Variants in PDZD8 observed in about 807,000 individuals in gnomAD.
PDZD8 encodes PDZ domain containing 8, also known as PDZ domain-containing protein 8.
A neutral mutation model predicts 85.8 loss-of-function variants in PDZD8; 14 were observed. That is an observed-to-expected ratio of 0.16 (90% confidence interval 0.11 to 0.26). The LOEUF (loss-of-function observed/expected upper bound fraction) is 0.26. Among genes scored for constraint, PDZD8 ranks in the 10% least tolerant of loss-of-function variants. The pLI is 1.00. For synonymous variants in PDZD8, 592 were observed against 568.6 expected, an observed-to-expected ratio of 1.04 and a Z score of -0.59; for missense variants, 1,197 against 1,424.3, an observed-to-expected ratio of 0.84 and a Z score of 2.57.
In PDZD8 at chr10:117,364,502, C is replaced by T. The variant is rs886977279; in HGVS notation, c.872+9854G>A. Among the ~76,000 whole-genome samples, 4 of 151,600 alleles carry T rather than the reference C, an allele frequency of 2.6e-5. 1 individual carries two copies. Among genetic ancestry groups the T allele is most frequent in the South Asian group, 2.1e-4 (1 of 4,818 alleles). On this transcript the variant is annotated intron_variant, in intron 1 of 4. Transcript: ENST00000334464. The stretch of plus-strand genomic sequence containing the variant: ...ACGCACACACACACACGCATATTTC[C>T]GTAGGAAGTCTGAGCAAAAAAAAAT...
chr10:117,361,228 G>A (rs1844991946), intron 1 of PDZD8, among the ~76,000 whole-genome samples: 1 of 141,328 alleles, frequency 7.1e-6, no homozygotes, highest in Non-Finnish European at 1.5e-5. Flanking sequence ...GAGTCAGACT[G>A]TAACGACTGA....
chr10:117,313,105 C>G (rs910679363), intron 3 of PDZD8, among the ~76,000 whole-genome samples: 2 of 152,100 alleles, frequency 1.3e-5, no homozygotes, highest in African/African-American at 4.8e-5. Flanking sequence ...ACTTCTTAAC[C>G]TGGCACTTCT....
At chr10:117,326,156 G>C (rs1050486012) in intron 2 of PDZD8, among the ~76,000 whole-genome samples, 2 of 152,052 alleles carry the variant, frequency 1.3e-5, no homozygotes, top group African/African-American at 4.8e-5. Flanking sequence ...ACCCAGTCTT[G>C]GATATTTCTT....
At chr10:117,358,900 G>T (rs1170135583) in intron 1 of PDZD8, among the ~76,000 whole-genome samples, 2 of 152,050 alleles carry the variant, frequency 1.3e-5, no homozygotes, top group Non-Finnish European at 2.9e-5. Flanking sequence ...CTATATTAAG[G>T]ATGAATTCCT....
chr10:117,324,338 A>G (rs1844279842), intron 2 of PDZD8, among the ~76,000 whole-genome samples: 1 of 151,924 alleles, frequency 6.6e-6, no homozygotes, highest in African/African-American at 2.4e-5. Flanking sequence ...TTATTCCAAA[A>G]TTTGTAAGAG....
intron 3 of PDZD8, among the ~76,000 whole-genome samples, chr10:117,312,562 A>G (rs1844057006): frequency 6.6e-6 from 1 of 152,198 alleles, no homozygotes; most frequent in African/African-American, 2.4e-5. Context: ...AGTGTCTAGC[A>G]TGCTGGATTA....
At chr10:117,361,648 T>C (rs1206271958) in intron 1 of PDZD8, among the ~76,000 whole-genome samples, 1 of 152,074 alleles carries the variant, frequency 6.6e-6, no homozygotes, top group East Asian at 1.9e-4. Flanking sequence ...AAAATTCCTT[T>C]CCAAATATGA....
chr10:117,285,815 G>A, intron 4 of PDZD8: 10 of 874,154 alleles, frequency 1.1e-5, no homozygotes, highest in South Asian at 5.1e-5. Flanking sequence ...GAAGTGAACA[G>A]AGAGAGATCT....
chr10:117,301,046 T>C (rs1418544752), intron 3 of PDZD8, among the ~76,000 whole-genome samples: 1 of 152,146 alleles, frequency 6.6e-6, no homozygotes, highest in East Asian at 1.9e-4. Flanking sequence ...TAGAGTGCAG[T>C]GGCATGATCT....
chr10:117,369,890 T>C (rs1223087694), intron 1 of PDZD8, among the ~76,000 whole-genome samples: 3 of 152,186 alleles, frequency 2.0e-5, no homozygotes, highest in Non-Finnish European at 2.9e-5. Flanking sequence ...TAAAAGTACC[T>C]GCAAACTGAA....
chr10:117,364,826 A>C (rs1428153871), intron 1 of PDZD8, among the ~76,000 whole-genome samples: 2 of 151,960 alleles, frequency 1.3e-5, no homozygotes, highest in Admixed American at 1.3e-4. Flanking sequence ...AGGGACATCC[A>C]TGTTACACTT....
chr10:117,288,929 T>A (rs1188851105), intron 4 of PDZD8, among the ~76,000 whole-genome samples: 3 of 152,228 alleles, frequency 2.0e-5, no homozygotes, highest in African/African-American at 7.2e-5. Context: ...TTACTACTTG[T>A]GTAATTGAAA....
chr10:117,338,578 C>A (rs1844555698), intron 2 of PDZD8, among the ~76,000 whole-genome samples: 1 of 152,110 alleles, frequency 6.6e-6, no homozygotes, highest in African/African-American at 2.4e-5. Flanking sequence ...TCACCTTGAC[C>A]CCTGTCCATC....
At chr10:117,302,765 T>C (rs1843868475) in intron 3 of PDZD8, among the ~76,000 whole-genome samples, 1 of 152,178 alleles carries the variant, frequency 6.6e-6, no homozygotes, top group Non-Finnish European at 1.5e-5. Flanking sequence ...TGTGCTATTC[T>C]CGTGATAGTG....
At chr10:117,339,211 T>C (rs1264200263) in intron 2 of PDZD8, among the ~76,000 whole-genome samples, 1 of 150,894 alleles carries the variant, frequency 6.6e-6, no homozygotes, top group Non-Finnish European at 1.5e-5. Flanking sequence ...AGGACACAAA[T>C]GTATTAGATA....
intron 3 of PDZD8, among the ~76,000 whole-genome samples, chr10:117,300,358 A>G (rs991988810): frequency 6.6e-5 from 10 of 152,196 alleles, no homozygotes; most frequent in African/African-American, 2.2e-4. Context: ...TGCTTATATA[A>G]ATGGAAGTTT....
chr10:117,365,714 A>T (rs1332527501), intron 1 of PDZD8, among the ~76,000 whole-genome samples: 1 of 152,170 alleles, frequency 6.6e-6, no homozygotes, highest in Non-Finnish European at 1.5e-5. Flanking sequence ...GGCAAGAGAG[A>T]TTTTGAAACT....
intron 1 of PDZD8, among the ~76,000 whole-genome samples, chr10:117,351,603 G>A (rs1844806802): frequency 6.6e-6 from 1 of 152,152 alleles, no homozygotes; most frequent in Non-Finnish European, 1.5e-5. Flanking sequence ...TGTTCACTTT[G>A]TAGACATTCA....
intron 1 of PDZD8, among the ~76,000 whole-genome samples, chr10:117,353,466 T>C (rs1385987619): frequency 6.6e-6 from 1 of 152,132 alleles, no homozygotes; most frequent in Non-Finnish European, 1.5e-5. Flanking sequence ...CTCTCTCTGT[T>C]CTAATAAAAA....
Sources: gnomAD v4.1 joint callset for allele counts (sites outside exome capture counted in the v4.1 genomes callset) on GRCh38, gnomAD v4.1.1 for gene constraint, MANE v1.5 for transcripts, NCBI Gene and HGNC (gene_info 2026-07-23, HGNC 2026-07-21) for gene names.